Variants in NRG1 observed in about 807,000 individuals in gnomAD.
NRG1 encodes pro-neuregulin-1, membrane-bound isoform.
A neutral mutation model predicts 63.8 loss-of-function variants in NRG1; 18 were observed. The observed-to-expected ratio is 0.28, with a 90% CI of 0.19 to 0.42. NRG1 has a LOEUF of 0.42. NRG1 is among the 10% of genes least tolerant of loss of function. The pLI is 1.00. For missense variants in NRG1, 762 were observed against 814.7 expected (o/e 0.94, Z 0.79); for synonymous variants, 302 against 301.3 (o/e 1.00, Z -0.02).
At chr8:32,047,575 G>C (rs1040032775) in intron 1 of NRG1, among the ~76,000 whole-genome samples, 5 of 151,950 alleles carry the variant, frequency 3.3e-5, no homozygotes, top group African/African-American at 9.7e-5. Flanking sequence ...TTCCTGAAAA[G>C]TGTGGCTGAG....
intron 1 of NRG1, among the ~76,000 whole-genome samples, chr8:32,305,061 A>ATTTAATAGATAAGAT (rs1171786402): frequency 6.6e-6 from 1 of 152,104 alleles, no homozygotes; most frequent in African/African-American, 2.4e-5. Flanking sequence ...ATTATTGATT[A>ATTTAATAGATAAGAT]AAGATAAGAA....
At chr8:32,371,808 A>G (rs1000664679) in intron 1 of NRG1, among the ~76,000 whole-genome samples, 2 of 152,128 alleles carry the variant, frequency 1.3e-5, no homozygotes, top group African/African-American at 2.4e-5. Context: ...GTCTGAGTTC[A>G]TTGTGGAGCT....
chr8:32,332,487 T>G (rs1251447158), intron 1 of NRG1, among the ~76,000 whole-genome samples: 1 of 152,172 alleles, frequency 6.6e-6, no homozygotes, highest in Non-Finnish European at 1.5e-5. Context: ...TAGATTTTTA[T>G]TACATCAATT....
chr8:31,766,273 T>TA (rs927685649), intron 1 of NRG1, among the ~76,000 whole-genome samples: 1 of 152,152 alleles, frequency 6.6e-6, no homozygotes, highest in African/African-American at 2.4e-5. Context: ...CCTACCACGT[T>TA]AAAAAAGATC....
chr8:32,281,840 A>T (rs947615614), intron 1 of NRG1, among the ~76,000 whole-genome samples: 8 of 152,110 alleles, frequency 5.3e-5, no homozygotes, highest in Non-Finnish European at 1.2e-4. Flanking sequence ...ATTTCAGATG[A>T]TAAATTTTAT....
intron 5 of NRG1, among the ~76,000 whole-genome samples, chr8:32,710,910 C>T (rs1489386023): frequency 2.6e-5 from 4 of 152,096 alleles, no homozygotes; most frequent in Non-Finnish European, 5.9e-5. Flanking sequence ...AACTAAAATG[C>T]ATCAGTTTGA....
rs753730069 is a variant in NRG1 at position 31,809,741 on chromosome 8, G to GTT, written c.37+170330_37+170331dup. ...TTTTTTTCTACTCCTTCTATTAATT[G>GTT]TTTTTTTTTTTTTTTTTTTTTGAGA... is the stretch of plus-strand genomic sequence containing the variant. On this transcript the variant is annotated intron_variant, in intron 1 of 10. Coordinates refer to the NRG1 transcript ENST00000519301. Among the ~76,000 whole-genome samples the GTT allele has an allele frequency of 4.9e-3, 335 of 67,982 alleles. 6 individuals carry two copies. Among genetic ancestry groups the GTT allele is most frequent in the South Asian group, 0.018 (33 of 1,872 alleles). 44.6% of individuals were successfully genotyped at this position (67,982 alleles called of 152,430 possible). A position where few individuals can be genotyped will look rare whatever the true frequency, so the allele number is the denominator to read the frequency against.
At chr8:32,644,150 G>A (rs1435898477) in intron 5 of NRG1, among the ~76,000 whole-genome samples, 1 of 152,174 alleles carries the variant, frequency 6.6e-6, no homozygotes, top group Non-Finnish European at 1.5e-5. Context: ...TATGAACCTA[G>A]CAGAGTGCCT....
At chr8:32,029,712 C>A (rs1006543488) in intron 1 of NRG1, among the ~76,000 whole-genome samples, 1 of 152,160 alleles carries the variant, frequency 6.6e-6, no homozygotes, top group Non-Finnish European at 1.5e-5. Context: ...ACATCTGATA[C>A]GATTTAACAT....
chr8:32,464,998 A>G (rs1245222967), intron 1 of NRG1, among the ~76,000 whole-genome samples: 2 of 152,098 alleles, frequency 1.3e-5, no homozygotes, highest in African/African-American at 2.4e-5. Flanking sequence ...CACATGGTGA[A>G]AACCCGTCTC....
chr8:31,848,822 C>T (rs969680040), intron 1 of NRG1, among the ~76,000 whole-genome samples: 1 of 152,120 alleles, frequency 6.6e-6, no homozygotes, highest in African/African-American at 2.4e-5. Context: ...CTCAGGGCTC[C>T]CACTGATTCT....
intron 1 of NRG1, among the ~76,000 whole-genome samples, chr8:31,655,624 C>G (rs1281386407): frequency 1.3e-5 from 2 of 152,058 alleles, no homozygotes; most frequent in African/African-American, 4.8e-5. Flanking sequence ...CAGGGGAACC[C>G]AATGAAGGGT....
At chr8:31,746,076 CTT>C (rs897846795) in intron 1 of NRG1, among the ~76,000 whole-genome samples, 5 of 147,266 alleles carry the variant, frequency 3.4e-5, no homozygotes, top group Admixed American at 6.8e-5. Flanking sequence ...ATCTTAAAGA[CTT>C]TTTTTTTTTC....
intron 1 of NRG1, among the ~76,000 whole-genome samples, chr8:31,948,240 C>T (rs562739220): frequency 2.6e-5 from 4 of 151,988 alleles, no homozygotes; most frequent in African/African-American, 9.7e-5. Context: ...TATTGAAATG[C>T]ACCTTGCACT....
In NRG1 at chr8:31,739,060, G is replaced by T. The variant is rs779381539; in HGVS notation, c.37+99629G>T. On this transcript the variant is annotated intron_variant, in intron 1 of 10. Transcript: ENST00000519301. ...GGTGTGCACGTATGTGTATGTGTTT[G>T]TAAGTGCACACGTAAGATGCACCAA... Among the ~76,000 whole-genome samples the T allele has an allele frequency of 9.5e-4, 145 of 152,192 alleles. 1 individual carries two copies. The highest frequency in any genetic ancestry group is 1.8e-3 in the Non-Finnish European group (122 of 67,990).
chr8:32,195,308 A>G (rs1842853369), intron 1 of NRG1, among the ~76,000 whole-genome samples: 1 of 151,970 alleles, frequency 6.6e-6, no homozygotes, highest in Admixed American at 6.6e-5. Context: ...GTTGTAGTGT[A>G]CACACCTATT....
At chr8:31,968,639 T>C (rs1806769739) in intron 1 of NRG1, among the ~76,000 whole-genome samples, 1 of 152,124 alleles carries the variant, frequency 6.6e-6, no homozygotes, top group Non-Finnish European at 1.5e-5. Flanking sequence ...ATGGATCCTG[T>C]CTCTGAACCT....
intron 1 of NRG1, among the ~76,000 whole-genome samples, chr8:32,221,722 T>C (rs1845833335): frequency 1.3e-5 from 2 of 152,202 alleles, no homozygotes; most frequent in African/African-American, 2.4e-5. Context: ...ATTTTCATTG[T>C]ATTTGTTGTT....
chr8:32,265,373 A>T (rs1379425830), intron 1 of NRG1, among the ~76,000 whole-genome samples: 3 of 152,132 alleles, frequency 2.0e-5, no homozygotes, highest in Non-Finnish European at 4.4e-5. Context: ...TATTGCTGTC[A>T]GTAAAGACTG....
Sources: allele counts gnomAD v4.1 joint callset (sites outside exome capture counted in the v4.1 genomes callset), GRCh38; gene constraint gnomAD v4.1.1; transcripts MANE v1.5; gene names NCBI Gene and HGNC (gene_info 2026-07-23, HGNC 2026-07-21).